LDB2: variants seen among roughly 807,000 people sequenced by gnomAD.
The protein encoded by LDB2 is LIM domain binding 2.
Under a neutral mutation model 44.3 loss-of-function variants are expected in LDB2, and 12 were observed. That is an observed-to-expected ratio of 0.27 (90% CI 0.17 to 0.44). The LOEUF is 0.44. Among genes scored for constraint, LDB2 ranks in the 20% least tolerant of loss-of-function variants. The pLI is 1.00. For synonymous variants in LDB2, 164 were observed against 174.8 expected (o/e 0.94, Z 0.49); for missense variants, 344 against 473.5 (o/e 0.73, Z 2.54).
At chr4:16,806,407 T>G (rs1778802611) in intron 1 of LDB2, among the ~76,000 whole-genome samples, 3 of 152,310 alleles carry the variant, frequency 2.0e-5, no homozygotes, top group Admixed American at 2.0e-4. Flanking sequence ...TGGCCCATGG[T>G]GGGCACTCAG....
chr4:16,874,363 A>G (rs369367297), intron 1 of LDB2, among the ~76,000 whole-genome samples: 14 of 152,346 alleles, frequency 9.2e-5, no homozygotes, highest in African/African-American at 2.9e-4. Context: ...TCTAAGATGC[A>G]CATTTTTTCC....
intron 1 of LDB2, among the ~76,000 whole-genome samples, chr4:16,814,348 T>C (rs1780517689): frequency 6.6e-6 from 1 of 152,216 alleles, no homozygotes; most frequent in Non-Finnish European, 1.5e-5. Context: ...ATTCAGACAG[T>C]TGGATTCTCT....
At chr4:16,866,768 T>C (rs570231901) in intron 1 of LDB2, among the ~76,000 whole-genome samples, 1 of 152,244 alleles carries the variant, frequency 6.6e-6, no homozygotes, top group Non-Finnish European at 1.5e-5. Context: ...CCAAGACTAT[T>C]ATCTCATTCC....
intron 2 of LDB2, among the ~76,000 whole-genome samples, chr4:16,596,516 C>A (rs1720959202): frequency 6.6e-6 from 1 of 152,044 alleles, no homozygotes; most frequent in African/African-American, 2.4e-5. Context: ...TCTATAAACA[C>A]CCAAATAACT....
intron 2 of LDB2, among the ~76,000 whole-genome samples, chr4:16,692,453 A>T (rs1751014385): frequency 6.6e-6 from 1 of 152,184 alleles, no homozygotes; most frequent in African/African-American, 2.4e-5. Flanking sequence ...GTTACTTCCA[A>T]CTTCACCTTG....
intron 2 of LDB2, among the ~76,000 whole-genome samples, chr4:16,670,197 C>T (rs1263943970): frequency 6.6e-6 from 1 of 152,216 alleles, no homozygotes; most frequent in Non-Finnish European, 1.5e-5. Context: ...GATCAGCACT[C>T]CTTGTAGTCA....
At chr4:16,680,557 G>A (rs1747570280) in intron 2 of LDB2, among the ~76,000 whole-genome samples, 1 of 152,092 alleles carries the variant, frequency 6.6e-6, no homozygotes, top group African/African-American at 2.4e-5. Context: ...AAGATCCCCT[G>A]GAAAAACTTT....
rs761983406 is a variant in LDB2, at chr4:16,847,594, C to CTTGT, written c.132+50759_132+50760insACAA. ...AATCATTGGTAAAGGTTCTTTAACA[C>CTTGT]ATGTTTGTTTGTTTGTTTGTTTGTT... On this transcript the variant is annotated intron_variant, in intron 1 of 7. Coordinates refer to ENST00000304523, the MANE Select transcript of LDB2 (RefSeq NM_001290.5). 9.4e-5 allele frequency among the ~76,000 whole-genome samples: 11 copies of CTTGT among 117,244 alleles called. No homozygotes were observed. In the South Asian group the frequency reaches 3.5e-3, roughly 37 times the overall value. 76.9% of individuals were successfully genotyped at this position (117,244 alleles called of 152,430 possible).
chr4:16,685,824 G>A (rs1017098785), intron 2 of LDB2, among the ~76,000 whole-genome samples: 10 of 152,114 alleles, frequency 6.6e-5, no homozygotes, highest in African/African-American at 1.9e-4. Flanking sequence ...CGAGTCAGGT[G>A]AATCATTTGA....
chr4:16,684,976 T>C (rs1367754495), intron 2 of LDB2, among the ~76,000 whole-genome samples: 16 of 152,200 alleles, frequency 1.1e-4, no homozygotes, highest in African/African-American at 2.4e-5. Context: ...AAACAGGCGA[T>C]GAGCTGCATT....
chr4:16,772,300 G>A (rs1770888138), intron 1 of LDB2, among the ~76,000 whole-genome samples: 1 of 152,078 alleles, frequency 6.6e-6, no homozygotes, highest in African/African-American at 2.4e-5. Flanking sequence ...TGTTCATTGG[G>A]AATATAAGAT....
chr4:16,691,256 G>A (rs532838416), intron 2 of LDB2, among the ~76,000 whole-genome samples: 2 of 152,208 alleles, frequency 1.3e-5, no homozygotes, highest in African/African-American at 4.8e-5. Flanking sequence ...TGAAAAGGTA[G>A]TACTTACCCT....
At chr4:16,742,648 C>T (rs896438635) in intron 2 of LDB2, among the ~76,000 whole-genome samples, 1 of 152,280 alleles carries the variant, frequency 6.6e-6, no homozygotes, top group African/African-American at 2.4e-5. Context: ...TTCTCCTCTT[C>T]TTCATTAGCC....
intron 1 of LDB2, chr4:16,826,472 C>T (rs1220078943): frequency 1.3e-5 from 2 of 152,308 alleles, no homozygotes; most frequent in Non-Finnish European, 1.5e-5. Context: ...ATGTGTAAAT[C>T]CTGAAATTTC....
chr4:16,725,655 A>G (rs1337631217), intron 2 of LDB2, among the ~76,000 whole-genome samples: 1 of 151,990 alleles, frequency 6.6e-6, no homozygotes. Context: ...GCCTGCTCCT[A>G]CTTAGCCCCT....
At chr4:16,821,746 C>CAAAAAAAAAAATAAAAAAAAAAAAAA (rs1782087119) in intron 1 of LDB2, among the ~76,000 whole-genome samples, 1 of 61,752 alleles carries the variant, frequency 1.6e-5, no homozygotes, top group African/African-American at 6.3e-5. Context: ...AACATTAAAG[C>CAAAAAAAAAAATAAAAAAAAAAAAAA]AAAAAAAAAA....
rs147323762 is a variant in LDB2 at position 16,896,133 on chromosome 4, T to C, written c.132+2221A>G. Among the ~76,000 whole-genome samples the C allele has an allele frequency of 5.8e-3, 882 of 152,280 alleles. 8 individuals are homozygous for C. Among genetic ancestry groups the C allele is most frequent in the African/African-American group, 0.02 (822 of 41,558 alleles). On this transcript the variant is annotated intron_variant, in intron 1 of 7. Coordinates refer to ENST00000304523, the MANE Select transcript of LDB2 (RefSeq NM_001290.5). ...CTAGGACACACCAGAAAACAGTTCA[T>C]AGCACTTTACTGTTACAGGCAGGGA...
intron 3 of LDB2, among the ~76,000 whole-genome samples, chr4:16,595,012 A>T (rs1720412582): frequency 6.6e-6 from 1 of 152,226 alleles, no homozygotes; most frequent in Non-Finnish European, 1.5e-5. Flanking sequence ...AATATTCCAT[A>T]TGTCAATTTC....
intron 2 of LDB2, among the ~76,000 whole-genome samples, chr4:16,609,713 C>T (rs564228045): frequency 5.2e-4 from 79 of 152,258 alleles, no homozygotes; most frequent in African/African-American, 1.8e-3. Flanking sequence ...TGGGCCTGAG[C>T]CCCTAGGCGG....
Sources: gnomAD v4.1 joint callset for allele counts (sites outside exome capture counted in the v4.1 genomes callset) on GRCh38, gnomAD v4.1.1 for gene constraint, MANE v1.5 for transcripts, NCBI Gene and HGNC (gene_info 2026-07-23, HGNC 2026-07-21) for gene names.